KCNIP4: variants seen among roughly 807,000 people sequenced by gnomAD.
KCNIP4 encodes the protein Kv channel-interacting protein 4.
KCNIP4 carries 12 observed loss-of-function variants against 34.0 expected under a neutral mutation model. That is an observed-to-expected ratio of 0.35 (90% CI 0.23 to 0.57). The LOEUF (loss-of-function observed/expected upper bound fraction) is 0.57, where lower values mean the gene tolerates loss of function less well. Ranked by LOEUF, KCNIP4 falls within the 20% of genes least tolerant of loss-of-function variation. KCNIP4 has a pLI of 0.83. For synonymous variants in KCNIP4, 124 were observed against 102.2 expected (o/e 1.21, Z -1.29); for missense variants, 238 against 311.7 (o/e 0.76, Z 1.78).
At chr4:21,125,188 C>CTTATTTTATTTTATTTTATT (rs71189682) in intron 1 of KCNIP4, among the ~76,000 whole-genome samples, 11,305 of 118,948 alleles carry the variant, frequency 0.095, 887 homozygotes, top group East Asian at 0.2. Context: ...TTTATTTTGT[C>CTTATTTTATTTTATTTTATT]TTATTTTATT....
At chr4:21,800,480 T>G (rs1720919123) in intron 1 of KCNIP4, among the ~76,000 whole-genome samples, 1 of 152,194 alleles carries the variant, frequency 6.6e-6, no homozygotes, top group Non-Finnish European at 1.5e-5. Context: ...TTACCAACAT[T>G]TCTAAAGAAC....
chr4:20,853,017 A>G (rs7669387), intron 2 of KCNIP4, among the ~76,000 whole-genome samples: 51,250 of 152,110 alleles, frequency 0.34, 9,583 homozygotes, highest in Admixed American at 0.45. Flanking sequence ...GGGTAGAATC[A>G]TGGATGGGTA....
At chr4:20,768,121 G>C (rs1232294525) in intron 3 of KCNIP4, among the ~76,000 whole-genome samples, 2 of 152,172 alleles carry the variant, frequency 1.3e-5, no homozygotes, top group African/African-American at 4.8e-5. Flanking sequence ...GGACTTCTCT[G>C]CTCTCTTTAG....
chr4:21,842,854 G>A (rs569257628), intron 1 of KCNIP4, among the ~76,000 whole-genome samples: 1 of 151,994 alleles, frequency 6.6e-6, no homozygotes, highest in South Asian at 2.1e-4. Flanking sequence ...ATTCCTTTCT[G>A]TACCTTAATT....
At chr4:21,079,456 G>A (rs1020486232) in intron 1 of KCNIP4, among the ~76,000 whole-genome samples, 5 of 149,968 alleles carry the variant, frequency 3.3e-5, no homozygotes, top group Non-Finnish European at 4.4e-5. Context: ...AATTTGCTCA[G>A]TGTGACCTGC....
At chr4:21,554,508 T>C (rs1360459109) in intron 1 of KCNIP4, among the ~76,000 whole-genome samples, 1 of 152,150 alleles carries the variant, frequency 6.6e-6, no homozygotes, top group East Asian at 1.9e-4. Flanking sequence ...GCTCTGATAA[T>C]GAGAAAACAC....
intron 1 of KCNIP4, among the ~76,000 whole-genome samples, chr4:21,141,827 T>C (rs553085199): frequency 2.0e-5 from 3 of 151,858 alleles, no homozygotes; most frequent in South Asian, 2.1e-4. Flanking sequence ...TGTGAGTTTG[T>C]ATATAGTTTC....
At chr4:20,922,158 A>G (rs1015291212) in intron 1 of KCNIP4, among the ~76,000 whole-genome samples, 1 of 152,192 alleles carries the variant, frequency 6.6e-6, no homozygotes, top group Non-Finnish European at 1.5e-5. Context: ...TTATATGTCA[A>G]CTTGACTGGC....
chr4:20,740,124 G>C (rs529638981), intron 5 of KCNIP4, among the ~76,000 whole-genome samples: 101 of 152,296 alleles, frequency 6.6e-4, no homozygotes, highest in African/African-American at 2.3e-3. Context: ...GTACCTGAAA[G>C]TGACGGGGAG....
At chr4:20,801,845 T>G (rs1267386477) in intron 3 of KCNIP4, among the ~76,000 whole-genome samples, 2 of 151,960 alleles carry the variant, frequency 1.3e-5, no homozygotes, top group Non-Finnish European at 2.9e-5. Context: ...AATGATAACC[T>G]AGAATGTAAA....
At chr4:21,468,017 A>G (rs1289924699) in intron 1 of KCNIP4, among the ~76,000 whole-genome samples, 4 of 152,150 alleles carry the variant, frequency 2.6e-5, no homozygotes, top group Non-Finnish European at 5.9e-5. Context: ...ATTCTGCCCC[A>G]GAGGATCTTC....
At chr4:21,613,157 T>C (rs1422610015) in intron 1 of KCNIP4, among the ~76,000 whole-genome samples, 4 of 152,172 alleles carry the variant, frequency 2.6e-5, no homozygotes, top group African/African-American at 9.7e-5. Flanking sequence ...GTTGCAATCA[T>C]GCTCCCAACA....
At chr4:21,493,834 T>C (rs1219289614) in intron 1 of KCNIP4, among the ~76,000 whole-genome samples, 1 of 152,176 alleles carries the variant, frequency 6.6e-6, no homozygotes, top group African/African-American at 2.4e-5. Context: ...ATAGGGTGAA[T>C]GGGAGTTCAA....
chr4:21,670,950 C>T (rs1343731723), intron 1 of KCNIP4, among the ~76,000 whole-genome samples: 1 of 150,938 alleles, frequency 6.6e-6, no homozygotes, highest in African/African-American at 2.4e-5. Context: ...GCCACCGCGC[C>T]GGGCTGAGTA....
chr4:20,791,299 AG>A (rs1560467334), intron 3 of KCNIP4, among the ~76,000 whole-genome samples: 4 of 152,162 alleles, frequency 2.6e-5, no homozygotes, highest in African/African-American at 7.2e-5. Flanking sequence ...TGTTGAAAAA[AG>A]TCATTCAAGC....
chr4:21,052,120 A>G (rs1225450261), intron 1 of KCNIP4, among the ~76,000 whole-genome samples: 2 of 152,156 alleles, frequency 1.3e-5, no homozygotes, highest in Admixed American at 1.3e-4. Context: ...TTCCTATCCT[A>G]GTATACCAAA....
At chr4:21,203,658 G>A (rs537928941) in intron 1 of KCNIP4, among the ~76,000 whole-genome samples, 3 of 152,318 alleles carry the variant, frequency 2.0e-5, no homozygotes, top group East Asian at 3.9e-4. Context: ...GTGGGGAGCA[G>A]GCACTGCTTC....
At chr4:21,578,064 G>T (rs896271866) in intron 1 of KCNIP4, among the ~76,000 whole-genome samples, 1 of 151,336 alleles carries the variant, frequency 6.6e-6, no homozygotes. Context: ...GGCCGGGCGC[G>T]GTGGCTCACG....
chr4:20,834,071 A>T (rs1718753964), intron 3 of KCNIP4, among the ~76,000 whole-genome samples: 3 of 152,186 alleles, frequency 2.0e-5, no homozygotes, highest in African/African-American at 7.2e-5. Flanking sequence ...GCCTGCATAG[A>T]ATTCACCTGA....
Sources: allele counts gnomAD v4.1 joint callset (sites outside exome capture counted in the v4.1 genomes callset), GRCh38; gene constraint gnomAD v4.1.1; transcripts MANE v1.5; gene names NCBI Gene and HGNC (gene_info 2026-07-23, HGNC 2026-07-21).